Variants in ARAP1 observed in about 807,000 individuals in gnomAD.
ARAP1 encodes the protein arf-GAP with Rho-GAP domain, ANK repeat and PH domain-containing protein 1.
In ARAP1, 76 loss-of-function variants were observed where a neutral mutation model predicts 172.2. The ratio of observed to expected loss-of-function variants is 0.44; its 90% CI spans 0.37 to 0.53. The LOEUF is 0.53. ARAP1 is among the 20% of genes least tolerant of loss of function. ARAP1 has a pLI of 0.00. For missense variants in ARAP1, 1,686 were observed against 1,977.5 expected (o/e 0.85, Z 2.80); for synonymous variants, 804 against 803.3 (o/e 1.00, Z -0.01).
rs376572381 is a variant in ARAP1, at chr11:72,693,828, G to A, written c.3695-23C>T. The A allele has an allele frequency of 2.4e-5, 37 of 1,563,154 alleles. No homozygotes were observed. Among genetic ancestry groups the A allele is most frequent in the East Asian group, 1.2e-4 (5 of 42,390 alleles). ...GCTCTGGGGAGAGGTCACACCTACC[G>A]TCACTGGGACCACATGGCCCGATAC... On this transcript the variant is annotated intron_variant, in intron 27 of 34. Coordinates refer to ENST00000393609, the MANE Select transcript of ARAP1 (RefSeq NM_001040118.3). The surrounding 1 kb of genome is among the most constrained non-coding windows in gnomAD (Gnocchi z 4.6).
In ARAP1 at chr11:72,712,188, T is replaced by A. The variant is rs1591207463; in HGVS notation, c.1022+8A>T. 1.3e-6 allele frequency: 2 copies of A among 1,591,614 alleles called. No homozygotes were observed. The highest frequency in any genetic ancestry group is 1.7e-6 in the Non-Finnish European group (2 of 1,171,886). ...AGAGCACAGCAGGACCCAAGAGGCC[T>A]CACTCACCCCTGCGGTGGGTTCTTG... On this transcript the variant is annotated splice_region_variant and intron_variant, in intron 7 of 34. Coordinates refer to ENST00000393609, the MANE Select transcript of ARAP1 (RefSeq NM_001040118.3).
At chr11:72,703,243 G>A (rs948062724) in intron 14 of ARAP1, 164 bp from the exon 15 acceptor site, 3 of 777,716 alleles carry the variant, frequency 3.9e-6, no homozygotes, top group African/African-American at 3.5e-5. Context: ...GAGAAGGAGA[G>A]GGAAGAGAGA....
chr11:72,722,235 A>ATG (rs746406600), intron 3 of ARAP1: 6 of 984,376 alleles, frequency 6.1e-6, no homozygotes, highest in East Asian at 1.1e-4. Flanking sequence ...GTCTGTGTGT[A>ATG]TGTGTGTGTG....
At position 72,703,415 on chromosome 11, in the gene ARAP1, G is replaced by GGTGGGGC. The variant is rs376552849; in HGVS notation, c.1993-337_1993-336insGCCCCAC. ...TCTGCCTTGTGGAGGAGCCGGGGGG[G>GGTGGGGC]GGGTGTGCTTTGTAGCTAATTCCTC... On this transcript the variant is annotated intron_variant, in intron 14 of 34. Coordinates refer to ENST00000393609, the MANE Select transcript of ARAP1 (RefSeq NM_001040118.3). 2 of 145,218 alleles carry GGTGGGGC rather than the reference G, an allele frequency of 1.4e-5. 1 individual carries two copies. The highest frequency in any genetic ancestry group is 2.9e-5 in the Non-Finnish European group (2 of 68,336). The allele number at this position is 145,218 out of a possible 1,614,324, so 9.0% of individuals were successfully genotyped here.
Position 72,693,492 on chromosome 11 carries a change from G to T in ARAP1, c.3809-22C>A. 6 of 1,607,194 alleles carry T rather than the reference G, an allele frequency of 3.7e-6. No individual in the cohort carries two copies. Among genetic ancestry groups the T allele is most frequent in the Non-Finnish European group, 5.1e-6 (6 of 1,175,542 alleles). On this transcript the variant is annotated intron_variant, in intron 28 of 34. Coordinates refer to ENST00000393609, the MANE Select transcript of ARAP1 (RefSeq NM_001040118.3). This position sits in a 1 kb window ranked among gnomAD's most constrained non-coding sequence, Gnocchi z 4.6. ...CTGGCTGGGGGGTGGGACTGGAGTG[G>T]GCACAGGCTGCACCAACCCCTACCC...
chr11:72,690,104 G>A (rs1196491429), intron 30 of ARAP1, among the ~76,000 whole-genome samples: 1 of 152,154 alleles, frequency 6.6e-6, no homozygotes, highest in African/African-American at 2.4e-5. Context: ...AGGAGGAATC[G>A]GCTGAGGGGA....
chr11:72,716,893 G>A (rs1293833609), intron 3 of ARAP1, among the ~76,000 whole-genome samples: 1 of 152,210 alleles, frequency 6.6e-6, no homozygotes, highest in Non-Finnish European at 1.5e-5. Context: ...CCAAGGGGTG[G>A]GCCTGTGGGA....
At chr11:72,719,952 C>T (rs1857440870) in intron 3 of ARAP1, among the ~76,000 whole-genome samples, 1 of 152,178 alleles carries the variant, frequency 6.6e-6, no homozygotes, top group African/African-American at 2.4e-5. Context: ...CGCAGGCCTC[C>T]CCTCACATCT....
At chr11:72,711,343 C>A in intron 8 of ARAP1, 87 bp downstream of exon 8, 1 of 1,530,998 alleles carries the variant, frequency 6.5e-7, no homozygotes, top group Non-Finnish European at 9.0e-7. Context: ...GGCGAGGACT[C>A]CTCTGGGGAG....
At chr11:72,690,928 G>A (rs776281931) in intron 30 of ARAP1, among the ~76,000 whole-genome samples, 5 of 152,172 alleles carry the variant, frequency 3.3e-5, no homozygotes, top group Admixed American at 6.5e-5. Context: ...TCCTACTGCC[G>A]CATAAACCAA....
At chr11:72,722,021 T>C (rs1857533817) in intron 3 of ARAP1, 4 of 985,622 alleles carry the variant, frequency 4.1e-6, no homozygotes, top group South Asian at 4.7e-5. Flanking sequence ...CTGCGTTCTC[T>C]TGGAGGTTTT....
At position 72,726,913 on chromosome 11, in the gene ARAP1, G is replaced by A; in HGVS notation, c.216C>T (p.Ala72=). The A allele has an allele frequency of 1.3e-6, 2 of 1,588,536 alleles. No individual in the cohort carries two copies. Among genetic ancestry groups the A allele is most frequent in the Non-Finnish European group, 1.7e-6 (2 of 1,167,556 alleles). Reference sequence around the variant, plus strand: ...GCCGTGGGGTGGGGCGGGGTGCAGGGGCCGGTGAGGTATGGGCACGGAGCA... The same window carrying A: ...GCCGTGGGGTGGGGCGGGGTGCAGGAGCCGGTGAGGTATGGGCACGGAGCA... ...AGLLRAHTSP[A]PAPRPTPRPV... The change falls in exon 3 of 35, where the codon GCC becomes GCT. Residue 72 remains alanine (A), a synonymous_variant. Coordinates refer to ENST00000393609, the MANE Select transcript of ARAP1 (RefSeq NM_001040118.3). This position sits in a 1 kb window ranked among gnomAD's most constrained non-coding sequence, Gnocchi z 6.5.
In ARAP1 at chr11:72,710,928, G is replaced by A. The variant is rs7937019; in HGVS notation, c.1213+93C>T. 8.5e-3 allele frequency: 13,526 copies of A among 1,582,704 alleles called. 984 individuals are homozygous for A. In the African/African-American group the frequency reaches 0.16, roughly 19 times the overall value. ...TCCCCGGATGTGATGTGAGAGGGCA[G>A]ATGCACCATGACTCTCTTCCCCCTC... On this transcript the variant is annotated intron_variant, in intron 9 of 34. Transcript: ENST00000393609. The surrounding 1 kb of genome is among the most constrained non-coding windows in gnomAD (Gnocchi z 4.3).
intron 31 of ARAP1, 41 bp downstream of exon 31, chr11:72,688,414 T>C (rs1855784065): frequency 6.3e-7 from 1 of 1,575,224 alleles, no homozygotes; most frequent in Non-Finnish European, 8.7e-7. Context: ...TGAGCCCCCA[T>C]AAGCCCCAGT....
chr11:72,704,210 C>T lies in ARAP1; in HGVS notation c.1934G>A (p.Arg645His), dbSNP rs757321996. ...TRRCHLEAKY[R>H]EGKYRRYHPL... ...GTGGTAGCGGCGGTACTTGCCCTCA[C>T]GGTACTTGGCCTCCAGGTGGCACCG... Residue 645 changes from arginine to histidine, a missense_variant, in exon 14 of 35, where the codon CGT (arginine) becomes CAT (histidine). This residue lies in a region of ARAP1 where 688 missense variants were observed against 856.9 expected (regional missense o/e 0.80). Coordinates refer to ENST00000393609, the MANE Select transcript of ARAP1 (RefSeq NM_001040118.3). 2.5e-5 allele frequency: 41 copies of T among 1,613,840 alleles called. No homozygotes were observed. The highest frequency in any genetic ancestry group is 1.8e-4 in the East Asian group (8 of 44,878).
intron 2 of ARAP1, among the ~76,000 whole-genome samples, chr11:72,731,315 G>A (rs759186742): frequency 2.0e-5 from 3 of 152,196 alleles, no homozygotes; most frequent in Non-Finnish European, 4.4e-5. Flanking sequence ...GACCTAGTGG[G>A]AGGTGTCTGG....
chr11:72,685,359 A>G lies in ARAP1; in HGVS notation c.*305T>C, dbSNP rs1449792302. 5.3e-5 allele frequency: 24 copies of G among 451,956 alleles called. No individual in the cohort carries two copies. Among genetic ancestry groups the G allele is most frequent in the Non-Finnish European group, 7.2e-5 (18 of 250,172 alleles). 28.0% of individuals were successfully genotyped at this position (451,956 alleles called of 1,614,324 possible). ...CTCTGAAAGGGTGGTGGTCCTCCCAAGTTCCTGACTTATGCCCATCTCTCC... is the reference window on the plus strand; with the variant it reads ...CTCTGAAAGGGTGGTGGTCCTCCCAGGTTCCTGACTTATGCCCATCTCTCC... On this transcript the variant is annotated 3_prime_UTR_variant, in exon 35 of 35. Coordinates refer to ENST00000393609, the MANE Select transcript of ARAP1 (RefSeq NM_001040118.3).
At chr11:72,687,280 A>G in intron 33 of ARAP1, 159 bp downstream of exon 33, 1 of 917,870 alleles carries the variant, frequency 1.1e-6, no homozygotes, top group Non-Finnish European at 1.7e-6. Flanking sequence ...AGTAGGTGCT[A>G]GGAAGGGTTT....
At chr11:72,734,272 C>T (rs1857947733) in intron 1 of ARAP1, among the ~76,000 whole-genome samples, 1 of 152,084 alleles carries the variant, frequency 6.6e-6, no homozygotes, top group Admixed American at 6.5e-5. Flanking sequence ...AAGTGCATGC[C>T]ACTGTGCCCA....
Sources: allele counts gnomAD v4.1 joint callset (sites outside exome capture counted in the v4.1 genomes callset), GRCh38; gene constraint gnomAD v4.1.1; regional missense constraint gnomAD v4.1.1; non-coding constraint Gnocchi (gnomAD v3.1); transcripts MANE v1.5; gene names NCBI Gene and HGNC (gene_info 2026-07-23, HGNC 2026-07-21).